Variants in CHD2 observed in about 807,000 individuals in gnomAD.
The protein encoded by CHD2 is ATP-dependent chromatin remodeler CHD2.
CHD2 carries 28 observed loss-of-function variants against 243.9 expected under a neutral mutation model. The ratio of observed to expected loss-of-function variants is 0.11; its 90% CI spans 0.09 to 0.16. The LOEUF is 0.16. Ranked by LOEUF, CHD2 falls within the 10% of genes least tolerant of loss-of-function variation. CHD2 has a pLI of 1.00. For missense variants in CHD2, 1,386 were observed against 2,209.8 expected (o/e 0.63, Z 7.47); for synonymous variants, 775 against 779.0 (o/e 0.99, Z 0.09).
rs1596360314 is a variant in CHD2 at position 92,902,093 on chromosome 15, C to T, written c.62+794C>T. 8 of 397,292 alleles carry T rather than the reference C, an allele frequency of 2.0e-5. No homozygotes were observed. The South Asian group carries it at 1.0e-3, about 51-fold the overall frequency. The allele number at this position is 397,292 out of a possible 1,614,324, so 24.6% of individuals were successfully genotyped here. On this transcript the variant is annotated intron_variant, in intron 2 of 38. Coordinates refer to ENST00000394196, the MANE Select transcript of CHD2 (RefSeq NM_001271.4). ...AAGGTTTGCATTTGTATGCTTAAGA[C>T]ATTGATTTCCTGTTGGTAGATGTAT...
intron 1 of CHD2, 140 bp from the exon 2 acceptor site, chr15:92,901,027 A>G: frequency 1.7e-6 from 1 of 573,250 alleles, no homozygotes; most frequent in Non-Finnish European, 3.1e-6. Context: ...TCTTTTAAGG[A>G]AAAAATAGAA....
intron 17 of CHD2, 82 bp downstream of exon 17, chr15:92,967,595 TTTG>T: frequency 1.0e-6 from 1 of 960,012 alleles, no homozygotes; most frequent in Non-Finnish European, 1.4e-6. Flanking sequence ...TATATATACT[TTTG>T]TTTTTTTTTT....
chr15:92,945,730 T>C (rs2053457066), intron 10 of CHD2, 91 bp from the exon 11 acceptor site: 5 of 753,698 alleles, frequency 6.6e-6, no homozygotes, highest in Non-Finnish European at 1.0e-5. Flanking sequence ...TGTGAGGTAG[T>C]AGAATATATT....
chr15:93,020,014 C>G lies in CHD2; in HGVS notation c.4909C>G (p.Arg1637Gly), dbSNP rs864309547. 3.7e-6 allele frequency: 6 copies of G among 1,608,704 alleles called. No individual in the cohort carries two copies. Among genetic ancestry groups the G allele is most frequent in the East Asian group, 2.2e-5 (1 of 44,740 alleles). ...GATCATTCTTTCTTTTCCTGCAGATCGAGGAGACTGGCAGAGGGAAAGAAA... is the reference window on the plus strand; with the variant it reads ...GATCATTCTTTCTTTTCCTGCAGATGGAGGAGACTGGCAGAGGGAAAGAAA... ...PNKRHFSNAD[R>G]GDWQRERKFN... is the part of the protein sequence containing the mutation. Residue 1637 changes from arginine to glycine, a missense_variant and splice_region_variant, in exon 38 of 39, where the codon CGA becomes GGA. Physicochemically the swap from Arg to Gly is moderately radical, Grantham distance 125. This residue lies in a region of CHD2 where 347 missense variants were observed against 341.6 expected (regional missense o/e 1.02). Coordinates refer to ENST00000394196, the MANE Select transcript of CHD2 (RefSeq NM_001271.4).
At chr15:93,017,388 C>T (rs374171678) in intron 37 of CHD2, among the ~76,000 whole-genome samples, 2 of 151,396 alleles carry the variant, frequency 1.3e-5, no homozygotes, top group South Asian at 2.1e-4. Context: ...AGCGGCGGCA[C>T]GATCTTGGCT....
intron 13 of CHD2, among the ~76,000 whole-genome samples, chr15:92,951,238 T>G (rs1172425102): frequency 6.6e-6 from 1 of 152,148 alleles, no homozygotes; most frequent in African/African-American, 2.4e-5. Context: ...TGGCATGATC[T>G]TGGCTCACTG....
chr15:92,940,328 A>G (rs1331303489), intron 7 of CHD2, among the ~76,000 whole-genome samples: 1 of 152,032 alleles, frequency 6.6e-6, no homozygotes, highest in Non-Finnish European at 1.5e-5. Flanking sequence ...GGCGGCATGC[A>G]CCTGCAGTCC....
At chr15:92,925,430 A>T (rs2053040723) in intron 3 of CHD2, among the ~76,000 whole-genome samples, 1 of 152,254 alleles carries the variant, frequency 6.6e-6, no homozygotes, top group African/African-American at 2.4e-5. Flanking sequence ...TTTAGGATGT[A>T]AACATTATAA....
intron 7 of CHD2, among the ~76,000 whole-genome samples, chr15:92,940,952 T>C (rs1349584893): frequency 8.0e-6 from 1 of 124,582 alleles, no homozygotes; most frequent in Non-Finnish European, 1.6e-5. Context: ...TATATAAATA[T>C]AAATATATAT....
intron 35 of CHD2, 99 bp downstream of exon 35, chr15:93,009,422 C>CTT (rs1567162601): frequency 1.6e-6 from 2 of 1,219,622 alleles, no homozygotes; most frequent in African/African-American, 3.1e-5. Context: ...CCTAAGAAAT[C>CTT]TTTCTCCCAG....
chr15:93,000,773 G>A (rs1047641886), intron 32 of CHD2, 133 bp downstream of exon 32: 10 of 981,092 alleles, frequency 1.0e-5, no homozygotes, highest in East Asian at 2.6e-5. Flanking sequence ...GTAAGTCTTC[G>A]CTTAATCTGT....
chr15:93,003,203 T>G (rs2054278673), intron 33 of CHD2, among the ~76,000 whole-genome samples: 1 of 151,452 alleles, frequency 6.6e-6, no homozygotes, highest in Non-Finnish European at 1.5e-5. Flanking sequence ...GAGGATTGCT[T>G]AGGCCCAGGA....
chr15:92,983,686 T>C (rs2054007719), intron 24 of CHD2, among the ~76,000 whole-genome samples: 1 of 152,248 alleles, frequency 6.6e-6, no homozygotes, highest in Non-Finnish European at 1.5e-5. Flanking sequence ...CCTACTGTTT[T>C]AGTACAAATA....
Position 93,020,240 on chromosome 15 carries a change from A to T in CHD2, c.5135A>T (p.His1712Leu). Residue 1712 changes from histidine to leucine, a missense_variant, in exon 38 of 39, where the codon CAC becomes CTC. Around this residue, in one of 19 missense-constraint regions of CHD2, gnomAD observed 347 missense variants for 341.6 expected, o/e 1.02. Transcript: ENST00000394196. ...QYSSDRDHRG[H>L]RDYYDRHHHD... The stretch of plus-strand genomic sequence containing the variant: ...AGCAGTGACCGAGACCACCGGGGAC[A>T]CAGAGATTATTATGACAGGTATGCA... 6.2e-7 allele frequency: 1 copy of T among 1,614,226 alleles called. No homozygotes were observed. Among genetic ancestry groups the T allele is most frequent in the Non-Finnish European group, 8.5e-7 (1 of 1,180,044 alleles).
intron 2 of CHD2, among the ~76,000 whole-genome samples, chr15:92,914,652 C>T (rs1426567053): frequency 6.6e-6 from 1 of 152,090 alleles, no homozygotes; most frequent in African/African-American, 2.4e-5. Flanking sequence ...CTTTTTATCC[C>T]TTGAAATTAT....
At chr15:92,966,771 T>A (rs1393584892) in intron 16 of CHD2, among the ~76,000 whole-genome samples, 2 of 151,766 alleles carry the variant, frequency 1.3e-5, no homozygotes, top group Non-Finnish European at 2.9e-5. Context: ...ATTAGTTGGG[T>A]GTGGTGGTGG....
At chr15:92,919,211 G>T (rs980861113) in intron 2 of CHD2, among the ~76,000 whole-genome samples, 1 of 152,032 alleles carries the variant, frequency 6.6e-6, no homozygotes, top group Non-Finnish European at 1.5e-5. Flanking sequence ...ATCCAGGCTG[G>T]AGTGCAGTGG....
Position 92,967,511 on chromosome 15 carries a change from C to T in CHD2, c.2187C>T (p.Tyr729=). The stretch of plus-strand genomic sequence containing the variant: ...TGTCAGCCCTTCAGAAACAGTATTA[C>T]AAGTAAGTTCTTGTTTGGGTTAGGC... ...VEMSALQKQY[Y]KWILTRNYKA... Residue 729 remains tyrosine (Y), a splice_region_variant and synonymous_variant, in exon 17 of 39, where the codon TAC becomes TAT. Coordinates refer to ENST00000394196, the MANE Select transcript of CHD2 (RefSeq NM_001271.4). 6.2e-7 allele frequency: 1 copy of T among 1,612,626 alleles called. No homozygotes were observed.
chr15:92,924,631 A>G, intron 3 of CHD2, 79 bp downstream of exon 3: 1 of 1,229,158 alleles, frequency 8.1e-7, no homozygotes, highest in Non-Finnish European at 1.2e-6. Flanking sequence ...ATGAAAACTC[A>G]TTAGTATATC....
Sources: gnomAD v4.1 joint callset for allele counts (sites outside exome capture counted in the v4.1 genomes callset) on GRCh38, gnomAD v4.1.1 for gene constraint, gnomAD v4.1.1 regional missense constraint, MANE v1.5 for transcripts, NCBI Gene and HGNC (gene_info 2026-07-23, HGNC 2026-07-21) for gene names.